Variants in USP43 observed in about 807,000 individuals in gnomAD.
USP43 encodes ubiquitin carboxyl-terminal hydrolase 43.
Under a neutral mutation model 90.7 loss-of-function variants are expected in USP43, and 33 were observed. That is an observed-to-expected ratio of 0.36 (90% CI 0.28 to 0.49). The LOEUF is 0.49. Ranked by LOEUF, USP43 falls within the 20% of genes least tolerant of loss-of-function variation. USP43 has a pLI of 0.98. For synonymous variants in USP43, 598 were observed against 615.8 expected (o/e 0.97, Z 0.43); for missense variants, 1,274 against 1,476.4 (o/e 0.86, Z 2.25).
chr17:9,670,099 C>T (rs190056123), intron 3 of USP43, among the ~76,000 whole-genome samples: 22 of 145,778 alleles, frequency 1.5e-4, no homozygotes, highest in Admixed American at 5.6e-4. Context: ...AGTGCAGTGG[C>T]GCAGTCTCGG....
At chr17:9,658,416 T>TG (rs1221612645) in intron 2 of USP43, among the ~76,000 whole-genome samples, 1 of 152,182 alleles carries the variant, frequency 6.6e-6, no homozygotes, top group Non-Finnish European at 1.5e-5. Flanking sequence ...TCAGAGAGAT[T>TG]GGGTAACCTT....
chr17:9,654,170 C>T (rs1479790926), intron 1 of USP43, among the ~76,000 whole-genome samples: 1 of 152,140 alleles, frequency 6.6e-6, no homozygotes, highest in African/African-American at 2.4e-5. Context: ...GCCCAGCTGA[C>T]TTTTAATTGC....
chr17:9,719,080 C>T (rs1049183227), intron 14 of USP43, among the ~76,000 whole-genome samples: 3 of 151,888 alleles, frequency 2.0e-5, no homozygotes, highest in Non-Finnish European at 4.4e-5. Flanking sequence ...GTAAGCTGAG[C>T]TCGCACCATT....
In USP43 at chr17:9,668,696, C is replaced by G. The variant is rs183413795; in HGVS notation, c.740+1945C>G. On this transcript the variant is annotated intron_variant, in intron 3 of 14. Coordinates refer to ENST00000285199, the MANE Select transcript of USP43 (RefSeq NM_153210.5). Reference sequence around the variant, plus strand: ...CTCACCTCTATGAGCTCAGATTTCTCTGTCATGCCTGAAGAAAGCCTTGCT... The same window carrying G: ...CTCACCTCTATGAGCTCAGATTTCTGTGTCATGCCTGAAGAAAGCCTTGCT... Among the ~76,000 whole-genome samples the G allele has an allele frequency of 3.0e-3, 458 of 152,316 alleles. 1 individual carries two copies. Among genetic ancestry groups the G allele is most frequent in the South Asian group, 7.5e-3 (36 of 4,820 alleles).
Position 9,681,319 on chromosome 17 carries a change from AAT to A in USP43, c.1105+963_1105+964del, listed in dbSNP as rs1430789958. Among the ~76,000 whole-genome samples the A allele has an allele frequency of 4.5e-3, 504 of 112,978 alleles. 4 individuals are homozygous for A. The highest frequency in any genetic ancestry group is 0.016 in the African/African-American group (469 of 28,752). 74.1% of individuals were successfully genotyped at this position (112,978 alleles called of 152,430 possible). A position where few individuals can be genotyped will look rare whatever the true frequency, so the allele number is the denominator to read the frequency against. ...TATATAATATAGATAAATATATATA[AAT>A]ATATATATAAATAAATATATATATA... On this transcript the variant is annotated intron_variant, in intron 6 of 14. Coordinates refer to ENST00000285199, the MANE Select transcript of USP43 (RefSeq NM_153210.5).
Position 9,676,871 on chromosome 17 carries a change from C to G in USP43, c.959C>G (p.Pro320Arg). ...ATGGTTGCAGAGGAAGGAGGCGTCC[C>G]TGCAGATGAGGTGTGATAGAATTGC... ...RKMVAEEGGV[P>R]ADEVILVELY... Residue 320 changes from proline to arginine, a missense_variant, in exon 5 of 15, where the codon CCT becomes CGT. Physicochemically the swap from Pro to Arg is moderately radical, Grantham distance 103. Around this residue, in one of 6 missense-constraint regions of USP43, gnomAD observed 259 missense variants for 373.7 expected, o/e 0.69. Transcript: ENST00000285199. 2 of 1,613,674 alleles carry G rather than the reference C, an allele frequency of 1.2e-6. No individual in the cohort carries two copies. The highest frequency in any genetic ancestry group is 1.7e-6 in the Non-Finnish European group (2 of 1,179,752).
chr17:9,700,744 C>T (rs1170972006), intron 10 of USP43, among the ~76,000 whole-genome samples: 1 of 152,158 alleles, frequency 6.6e-6, no homozygotes, highest in Non-Finnish European at 1.5e-5. Flanking sequence ...TGACTGGAGT[C>T]CATGCTCCTC....
rs1315863506 is a variant in USP43, at chr17:9,681,488, A to ATTT, written c.1105+1123_1105+1124insTTT. ...TATATATATATATATATATATATAT[A>ATTT]TATATATATATATATATATATTTGA... On this transcript the variant is annotated intron_variant, in intron 6 of 14. Coordinates refer to ENST00000285199, the MANE Select transcript of USP43 (RefSeq NM_153210.5). Among the ~76,000 whole-genome samples the ATTT allele has an allele frequency of 2.5e-4, 21 of 84,716 alleles. 1 individual carries two copies. The highest frequency in any genetic ancestry group is 7.8e-4 in the African/African-American group (19 of 24,458). The allele number at this position is 84,716 out of a possible 152,430, so 55.6% of individuals were successfully genotyped here. A position where few individuals can be genotyped will look rare whatever the true frequency, so the allele number is the denominator to read the frequency against.
Position 9,656,273 on chromosome 17 carries a change from G to A in USP43, c.505-130G>A, listed in dbSNP as rs143938263. 8.2e-4 allele frequency: 1,000 copies of A among 1,224,048 alleles called. 3 individuals carry two copies. The African/African-American group carries it at 0.014, about 17-fold the overall frequency. The allele number at this position is 1,224,048 out of a possible 1,614,324, so 75.8% of individuals were successfully genotyped here. ...TGGCGTGAAAGAACATTTCTACCCC[G>A]GCTGTTTGTGTGCTGTCATCCCAGG... On this transcript the variant is annotated intron_variant, in intron 1 of 14. Coordinates refer to ENST00000285199, the MANE Select transcript of USP43 (RefSeq NM_153210.5).
chr17:9,645,601 G>T lies in USP43; in HGVS notation c.-32G>T, dbSNP rs1911315507. Reference sequence around the variant, plus strand: ...CCGCTCGTCCGCCTCGCGCCCGGGGGCTCCGCGCCTGGAGCTGCGCCGGCG... The same window carrying T: ...CCGCTCGTCCGCCTCGCGCCCGGGGTCTCCGCGCCTGGAGCTGCGCCGGCG... On this transcript the variant is annotated 5_prime_UTR_variant, in exon 1 of 15. Coordinates refer to ENST00000285199, the MANE Select transcript of USP43 (RefSeq NM_153210.5). The surrounding 1 kb of genome is among the most constrained non-coding windows in gnomAD (Gnocchi z 6.8). 1.7e-6 allele frequency: 2 copies of T among 1,184,624 alleles called. No homozygotes were observed. The highest frequency in any genetic ancestry group is 4.2e-5 in the South Asian group (1 of 23,774). The allele number at this position is 1,184,624 out of a possible 1,614,324, so 73.4% of individuals were successfully genotyped here. A position where few individuals can be genotyped will look rare whatever the true frequency, so the allele number is the denominator to read the frequency against.
chr17:9,681,928 C>T (rs768420349), intron 6 of USP43, among the ~76,000 whole-genome samples: 1 of 152,148 alleles, frequency 6.6e-6, no homozygotes, highest in African/African-American at 2.4e-5. Context: ...TCTGAGTTGA[C>T]AGGGAGATGC....
At chr17:9,664,880 A>G (rs7211904) in intron 2 of USP43, among the ~76,000 whole-genome samples, 28,828 of 152,094 alleles carry the variant, frequency 0.19, 2,838 homozygotes, top group East Asian at 0.32. Flanking sequence ...CTCGTGATCC[A>G]CCCACCTCGG....
rs930993614 is a variant in USP43 at position 9,663,897 on chromosome 17, T to G, written c.637-2751T>G. The stretch of plus-strand genomic sequence containing the variant: ...GCCTTGGCCTCCAAAAGTGCTGGGA[T>G]TACAGGTGTCAGCCACTGTGCCCAG... On this transcript the variant is annotated intron_variant, in intron 2 of 14. Coordinates refer to ENST00000285199, the MANE Select transcript of USP43 (RefSeq NM_153210.5). Among the ~76,000 whole-genome samples, 8 of 152,332 alleles carry G rather than the reference T, an allele frequency of 5.3e-5. No individual in the cohort carries two copies. The East Asian group carries it at 1.5e-3, about 29-fold the overall frequency.
At chr17:9,678,749 CTT>C (rs1052437197) in intron 5 of USP43, among the ~76,000 whole-genome samples, 1 of 150,698 alleles carries the variant, frequency 6.6e-6, no homozygotes, top group Non-Finnish European at 1.5e-5. Flanking sequence ...ATTGAACAGT[CTT>C]TTTCTTTTAG....
intron 5 of USP43, among the ~76,000 whole-genome samples, chr17:9,677,228 G>A (rs1913841794): frequency 6.6e-6 from 1 of 152,218 alleles, no homozygotes; most frequent in East Asian, 1.9e-4. Context: ...GTCCTGTGAA[G>A]TAGACATTAC....
At chr17:9,690,490 G>A (rs1914872479) in intron 8 of USP43, among the ~76,000 whole-genome samples, 1 of 152,160 alleles carries the variant, frequency 6.6e-6, no homozygotes, top group South Asian at 2.1e-4. Flanking sequence ...TTACAATGTT[G>A]TATCACCATC....
chr17:9,685,467 C>T (rs1337056255), intron 7 of USP43, among the ~76,000 whole-genome samples: 1 of 152,178 alleles, frequency 6.6e-6, no homozygotes, highest in East Asian at 1.9e-4. Context: ...GCCTTGCCTT[C>T]CCCTGGCTCC....
intron 3 of USP43, among the ~76,000 whole-genome samples, chr17:9,670,418 T>C (rs926913970): frequency 1.3e-5 from 2 of 151,954 alleles, no homozygotes; most frequent in African/African-American, 4.8e-5. Context: ...GTGGTCCCAG[T>C]GGGAGAGCAA....
intron 8 of USP43, among the ~76,000 whole-genome samples, chr17:9,691,895 T>C (rs1914974618): frequency 6.7e-6 from 1 of 149,470 alleles, no homozygotes; most frequent in African/African-American, 2.5e-5. Flanking sequence ...CAAAAAAAAT[T>C]AGCCGGGTGT....
Sources: gnomAD v4.1 joint callset for allele counts (sites outside exome capture counted in the v4.1 genomes callset) on GRCh38, gnomAD v4.1.1 for gene constraint, gnomAD v4.1.1 regional missense constraint, Gnocchi (gnomAD v3.1) non-coding constraint, MANE v1.5 for transcripts, NCBI Gene and HGNC (gene_info 2026-07-23, HGNC 2026-07-21) for gene names.